ERG: variants seen among roughly 807,000 people sequenced by gnomAD.
The protein encoded by ERG is ETS transcription factor ERG.
ERG carries 9 observed loss-of-function variants against 55.3 expected under a neutral mutation model. The observed-to-expected ratio is 0.16, with a 90% CI of 0.10 to 0.28. The LOEUF is 0.28. Among genes scored for constraint, ERG ranks in the 10% least tolerant of loss-of-function variants. The pLI is 1.00. For missense variants in ERG, 434 were observed against 631.6 expected (o/e 0.69, Z 3.35); for synonymous variants, 223 against 237.3 (o/e 0.94, Z 0.55).
At chr21:38,577,538 G>A (rs2060002255) in intron 1 of ERG, among the ~76,000 whole-genome samples, 1 of 152,170 alleles carries the variant, frequency 6.6e-6, no homozygotes, top group Non-Finnish European at 1.5e-5. Flanking sequence ...ATTGAACCGG[G>A]AAGCAGATGA....
chr21:38,420,960 G>C (rs1399157242), intron 3 of ERG, among the ~76,000 whole-genome samples: 2 of 152,094 alleles, frequency 1.3e-5, no homozygotes, highest in African/African-American at 4.8e-5. Flanking sequence ...GATGGGTTAG[G>C]GGGCTTCCTT....
chr21:38,597,675 G>C (rs1238525745), intron 1 of ERG, among the ~76,000 whole-genome samples: 4 of 152,080 alleles, frequency 2.6e-5, no homozygotes, highest in South Asian at 2.1e-4. Flanking sequence ...TTCCCAAAGA[G>C]GGCTGACAGC....
At chr21:38,448,075 T>C (rs886958962) in intron 1 of ERG, among the ~76,000 whole-genome samples, 22 of 152,106 alleles carry the variant, frequency 1.4e-4, no homozygotes, top group Admixed American at 5.2e-4. Context: ...AAATGTAGTG[T>C]AAGTTTGAAT....
At chr21:38,570,774 G>T (rs766080303) in intron 2 of ERG, among the ~76,000 whole-genome samples, 4 of 152,184 alleles carry the variant, frequency 2.6e-5, no homozygotes, top group Non-Finnish European at 5.9e-5. Flanking sequence ...AGAATGCAAA[G>T]CTCAGAGAAT....
intron 2 of ERG, among the ~76,000 whole-genome samples, chr21:38,506,454 C>A (rs780248316): frequency 1.3e-5 from 2 of 151,978 alleles, no homozygotes; most frequent in Admixed American, 6.6e-5. Flanking sequence ...TCAAAAAAAA[C>A]GTGTAGTATT....
At chr21:38,394,684 ACT>A (rs1988128345) in intron 6 of ERG, among the ~76,000 whole-genome samples, 1 of 152,094 alleles carries the variant, frequency 6.6e-6, no homozygotes, top group African/African-American at 2.4e-5. Context: ...ATCCTGGGTG[ACT>A]CTGGTGCACA....
chr21:38,539,698 A>C (rs8133401), intron 2 of ERG, among the ~76,000 whole-genome samples: 2,532 of 152,060 alleles, frequency 0.017, 70 homozygotes, highest in African/African-American at 0.058. Flanking sequence ...TCCTCTGCCC[A>C]CCTTGTTTTG....
At chr21:38,476,793 GA>G (rs1406942975) in intron 1 of ERG, among the ~76,000 whole-genome samples, 1 of 152,112 alleles carries the variant, frequency 6.6e-6, no homozygotes, top group East Asian at 1.9e-4. Flanking sequence ...CGTTTAGGGG[GA>G]AAAGGTGGGC....
chr21:38,575,810 T>C lies in ERG; in HGVS notation c.-126-63A>G, dbSNP rs755158981. 47 of 1,270,252 alleles carry C rather than the reference T, an allele frequency of 3.7e-5. 1 individual carries two copies. The highest frequency in any genetic ancestry group is 5.1e-5 in the Non-Finnish European group (45 of 887,002). 78.7% of individuals were successfully genotyped at this position (1,270,252 alleles called of 1,614,324 possible). ...AACTGCATTTCTGTGTTTTATGTTC[T>C]AGCAGGACAGGACACAATTCACCAA... is the stretch of plus-strand genomic sequence containing the variant. On this transcript the variant is annotated intron_variant, in intron 1 of 8. Coordinates refer to the ERG transcript ENST00000398897.
At chr21:38,485,267 A>G (rs2059272710) in intron 1 of ERG, among the ~76,000 whole-genome samples, 1 of 152,132 alleles carries the variant, frequency 6.6e-6, no homozygotes, top group Admixed American at 6.5e-5. Flanking sequence ...AAAAAATAGA[A>G]CAAAGCTTAT....
intron 2 of ERG, among the ~76,000 whole-genome samples, chr21:38,548,023 T>C (rs1041174093): frequency 6.6e-6 from 1 of 152,248 alleles, no homozygotes; most frequent in Non-Finnish European, 1.5e-5. Context: ...TTGTTCTACA[T>C]TGGTAATATG....
At chr21:38,631,651 T>C (rs1398345224) in intron 1 of ERG, among the ~76,000 whole-genome samples, 3 of 152,182 alleles carry the variant, frequency 2.0e-5, no homozygotes, top group African/African-American at 7.2e-5. Flanking sequence ...TCTGCATTAC[T>C]GTGTGCACAC....
intron 3 of ERG, among the ~76,000 whole-genome samples, chr21:38,408,111 A>C (rs1448693077): frequency 2.0e-5 from 3 of 152,108 alleles, no homozygotes; most frequent in African/African-American, 7.2e-5. Flanking sequence ...CTGCCCTATA[A>C]ATTTCTAAGC....
At chr21:38,626,654 C>T (rs999299369) in intron 1 of ERG, among the ~76,000 whole-genome samples, 1 of 151,510 alleles carries the variant, frequency 6.6e-6, no homozygotes, top group Admixed American at 6.6e-5. Flanking sequence ...AAAAGGGAAG[C>T]ACGTTATGAA....
At chr21:38,540,347 C>T (rs899056448) in intron 2 of ERG, among the ~76,000 whole-genome samples, 1 of 152,140 alleles carries the variant, frequency 6.6e-6, no homozygotes, top group Non-Finnish European at 1.5e-5. Context: ...ATTTTTGTCA[C>T]CCCAAAAGGA....
chr21:38,526,970 A>G (rs1158335318), intron 2 of ERG, among the ~76,000 whole-genome samples: 1 of 152,190 alleles, frequency 6.6e-6, no homozygotes, highest in Non-Finnish European at 1.5e-5. Flanking sequence ...GAGAAAGATG[A>G]TGACTTCCAG....
chr21:38,524,341 C>A (rs1372803904), intron 2 of ERG, among the ~76,000 whole-genome samples: 1 of 152,238 alleles, frequency 6.6e-6, no homozygotes, highest in African/African-American at 2.4e-5. Context: ...AAAGTGGCAG[C>A]AACTTGTTGA....
At chr21:38,400,672 G>A (rs1988445652) in intron 5 of ERG, 27 bp from the exon 6 acceptor site, 1 of 1,552,970 alleles carries the variant, frequency 6.4e-7, no homozygotes, top group Non-Finnish European at 8.9e-7. Flanking sequence ...AGACAAACAT[G>A]TGAAGGTCTT....
At chr21:38,413,839 G>T (rs1218554539) in intron 3 of ERG, among the ~76,000 whole-genome samples, 1 of 152,056 alleles carries the variant, frequency 6.6e-6, no homozygotes, top group African/African-American at 2.4e-5. Context: ...TTCTTTCTTT[G>T]TCTTCTCTTT....
Sources: gnomAD v4.1 joint callset for allele counts (sites outside exome capture counted in the v4.1 genomes callset) on GRCh38, gnomAD v4.1.1 for gene constraint, MANE v1.5 for transcripts, NCBI Gene and HGNC (gene_info 2026-07-23, HGNC 2026-07-21) for gene names.